Variants in DSCAM observed in about 807,000 individuals in gnomAD.
The protein encoded by DSCAM is DS cell adhesion molecule.
A neutral mutation model predicts 217.7 loss-of-function variants in DSCAM; 47 were observed. The observed-to-expected ratio is 0.22, with a 90% confidence interval of 0.17 to 0.28. The LOEUF is 0.28. Among genes scored for constraint, DSCAM ranks in the 10% least tolerant of loss-of-function variants. The pLI, the probability that DSCAM is intolerant of heterozygous loss-of-function variation, is 1.00. For missense variants in DSCAM, 2,080 were observed against 2,618.3 expected (o/e 0.79, Z 4.49); for synonymous variants, 1,056 against 1,015.3 (o/e 1.04, Z -0.76).
At chr21:40,296,313 T>C (rs1252112967) in intron 9 of DSCAM, 139 bp from the exon 10 acceptor site, 22 of 1,065,048 alleles carry the variant, frequency 2.1e-5, no homozygotes, top group Middle Eastern at 2.1e-4. Context: ...AAAAACACTA[T>C]TGGCAGTTTG....
chr21:40,361,757 C>T (rs889612807), intron 4 of DSCAM, among the ~76,000 whole-genome samples: 2 of 152,158 alleles, frequency 1.3e-5, no homozygotes, highest in African/African-American at 4.8e-5. Flanking sequence ...TACATAATAT[C>T]AAGTATTATA....
intron 1 of DSCAM, among the ~76,000 whole-genome samples, chr21:40,844,010 G>A (rs922399282): frequency 4.0e-5 from 6 of 151,702 alleles, no homozygotes. Context: ...GCATTTTGAT[G>A]CTTGAGGCCT....
At chr21:40,256,259 G>A (rs2073368324) in intron 11 of DSCAM, among the ~76,000 whole-genome samples, 1 of 152,130 alleles carries the variant, frequency 6.6e-6, no homozygotes, top group South Asian at 2.1e-4. Flanking sequence ...TGCTGAGGGA[G>A]GTATTTAGGT....
intron 8 of DSCAM, among the ~76,000 whole-genome samples, chr21:40,320,892 C>CA (rs2123520485): frequency 6.6e-6 from 1 of 152,314 alleles, no homozygotes; most frequent in East Asian, 1.9e-4. Context: ...CAAACCCTAT[C>CA]AGTCACCATC....
chr21:40,727,990 A>T (rs1187059069), intron 1 of DSCAM, among the ~76,000 whole-genome samples: 2 of 152,100 alleles, frequency 1.3e-5, no homozygotes, highest in East Asian at 3.9e-4. Flanking sequence ...TTCTCCCAGA[A>T]ACTCCCTGGC....
chr21:40,663,336 G>C (rs2090162984), intron 3 of DSCAM, among the ~76,000 whole-genome samples: 1 of 151,902 alleles, frequency 6.6e-6, no homozygotes, highest in African/African-American at 2.4e-5. Flanking sequence ...GTATGTGTGT[G>C]TCCTGTTAGC....
intron 1 of DSCAM, among the ~76,000 whole-genome samples, chr21:40,735,296 A>G (rs2091051877): frequency 6.6e-6 from 1 of 152,226 alleles, no homozygotes; most frequent in African/African-American, 2.4e-5. Flanking sequence ...CAAAAGATAC[A>G]TGAGCAGGCA....
chr21:40,429,996 A>G (rs2075515062), intron 3 of DSCAM, among the ~76,000 whole-genome samples: 1 of 152,224 alleles, frequency 6.6e-6, no homozygotes, highest in Admixed American at 6.5e-5. Context: ...AGTCATTAAG[A>G]CCTTGTGTAA....
intron 1 of DSCAM, among the ~76,000 whole-genome samples, chr21:40,812,567 T>A (rs939106611): frequency 1.3e-5 from 2 of 152,204 alleles, no homozygotes; most frequent in Non-Finnish European, 2.9e-5. Flanking sequence ...TGGCTATTTG[T>A]GGGCCACAGA....
intron 27 of DSCAM, among the ~76,000 whole-genome samples, chr21:40,065,906 C>T (rs559533753): frequency 1.3e-5 from 2 of 152,322 alleles, no homozygotes; most frequent in South Asian, 2.1e-4. Context: ...ACCCACCTTC[C>T]GTGCTGGTCC....
At chr21:40,418,298 T>C (rs556800609) in intron 3 of DSCAM, among the ~76,000 whole-genome samples, 1 of 152,316 alleles carries the variant, frequency 6.6e-6, no homozygotes, top group South Asian at 2.1e-4. Flanking sequence ...GTGAACGTCC[T>C]CTAAACTTTG....
chr21:40,453,979 T>C (rs1468089428), intron 3 of DSCAM, among the ~76,000 whole-genome samples: 1 of 152,124 alleles, frequency 6.6e-6, no homozygotes, highest in African/African-American at 2.4e-5. Flanking sequence ...AACAGGGCCC[T>C]AACATGGGAA....
At chr21:40,341,097 G>A (rs548457868) in intron 6 of DSCAM, among the ~76,000 whole-genome samples, 1 of 152,302 alleles carries the variant, frequency 6.6e-6, no homozygotes, top group South Asian at 2.1e-4. Context: ...GTAGCATATT[G>A]CAGTGTCCTT....
intron 3 of DSCAM, among the ~76,000 whole-genome samples, chr21:40,488,035 G>T (rs1056839465): frequency 6.6e-6 from 1 of 152,222 alleles, no homozygotes; most frequent in Non-Finnish European, 1.5e-5. Flanking sequence ...CCAGAGAGGG[G>T]TTGATGTTTC....
At chr21:40,473,490 G>A (rs1476601173) in intron 3 of DSCAM, among the ~76,000 whole-genome samples, 1 of 152,170 alleles carries the variant, frequency 6.6e-6, no homozygotes, top group African/African-American at 2.4e-5. Context: ...TTAGATAATA[G>A]CCTGGTGTTA....
intron 3 of DSCAM, among the ~76,000 whole-genome samples, chr21:40,603,987 T>C (rs2146265962): frequency 6.6e-6 from 1 of 150,480 alleles, no homozygotes; most frequent in South Asian, 2.1e-4. Context: ...ATCATTAATT[T>C]TGGAAAGCTG....
chr21:40,652,148 T>C (rs1204678119), intron 3 of DSCAM, among the ~76,000 whole-genome samples: 1 of 134,584 alleles, frequency 7.4e-6, no homozygotes, highest in African/African-American at 3.0e-5. Context: ...CACTGGGGCC[T>C]GTTGAAGGGT....
chr21:40,819,802 A>G (rs979573678), intron 1 of DSCAM, among the ~76,000 whole-genome samples: 2 of 152,212 alleles, frequency 1.3e-5, no homozygotes, highest in Non-Finnish European at 2.9e-5. Flanking sequence ...GCCTCATTAA[A>G]GAAGTCAATT....
chr21:40,105,737 A>G (rs2146620959), intron 20 of DSCAM, among the ~76,000 whole-genome samples: 1 of 152,334 alleles, frequency 6.6e-6, no homozygotes, highest in East Asian at 1.9e-4. Flanking sequence ...TAAATGATAA[A>G]CTTATAAAAA....
Sources: allele counts gnomAD v4.1 joint callset (sites outside exome capture counted in the v4.1 genomes callset), GRCh38; gene constraint gnomAD v4.1.1; transcripts MANE v1.5; gene names NCBI Gene and HGNC (gene_info 2026-07-23, HGNC 2026-07-21).